Variants in MCTP2 observed in about 807,000 individuals in gnomAD.
MCTP2 encodes multiple C2 and transmembrane domain containing 2.
MCTP2 carries 132 observed loss-of-function variants against 111.6 expected under a neutral mutation model. The observed-to-expected ratio is 1.18, with a 90% confidence interval of 1.03 to 1.37. MCTP2 has a LOEUF of 1.37. Ranked by LOEUF, MCTP2 falls within the 40% of genes most tolerant of loss-of-function variation. The pLI is 0.00. For synonymous variants in MCTP2, 395 were observed against 387.7 expected (o/e 1.02, Z -0.22); for missense variants, 1,183 against 1,067.9 (o/e 1.11, Z -1.50).
chr15:94,427,242 A>T (rs570737681), intron 17 of MCTP2, among the ~76,000 whole-genome samples: 20 of 152,286 alleles, frequency 1.3e-4, no homozygotes, highest in Non-Finnish European at 2.9e-4. Flanking sequence ...ACTCTATGTT[A>T]GTACTTTGTA....
chr15:94,330,985 C>T lies in MCTP2; in HGVS notation c.638-8305C>T, dbSNP rs1423206190. On this transcript the variant is annotated intron_variant, in intron 4 of 22. Transcript: ENST00000357742. The stretch of plus-strand genomic sequence containing the variant: ...CTGAGCTCAAGCAATCCACCTGCCT[C>T]GGCCTCCCAAAGTGCTGGGATTACA... 6.6e-5 allele frequency among the ~76,000 whole-genome samples: 10 copies of T among 152,280 alleles called. No individual in the cohort carries two copies. The East Asian group carries it at 1.4e-3, about 21-fold the overall frequency.
Position 94,314,287 on chromosome 15 carries a change from A to G in MCTP2, c.471A>G (p.Leu157=), listed in dbSNP as rs1165691008. The change falls in exon 3 of 23, where the codon CTA becomes CTG. Residue 157 remains leucine, a synonymous_variant. Transcript: ENST00000357742. ...TTTTTTCTTTTTCTTTGCAGAAGCT[A>G]TGTGGAAGCAGTGACCTGAATGCTT... ...GGDAPEEPEK[L]CGSSDLNASM... The G allele has an allele frequency of 1.9e-6, 3 of 1,607,314 alleles. No homozygotes were observed. The highest frequency in any genetic ancestry group is 1.7e-5 in the Admixed American group (1 of 59,626).
At chr15:94,311,349 C>T (rs16948908) in intron 2 of MCTP2, among the ~76,000 whole-genome samples, 38,234 of 151,878 alleles carry the variant, frequency 0.25, 6,772 homozygotes, top group African/African-American at 0.49. Flanking sequence ...TTAAAAATCT[C>T]GTAATATTGG....
intron 17 of MCTP2, among the ~76,000 whole-genome samples, chr15:94,413,307 A>T (rs1054437179): frequency 2.0e-5 from 3 of 152,160 alleles, no homozygotes; most frequent in African/African-American, 7.2e-5. Context: ...CATGTTGTGT[A>T]CTTTTCTGTT....
At chr15:94,441,773 A>G (rs1596723065) in intron 18 of MCTP2, among the ~76,000 whole-genome samples, 1 of 152,214 alleles carries the variant, frequency 6.6e-6, no homozygotes, top group Non-Finnish European at 1.5e-5. Flanking sequence ...GTCCCAAGCT[A>G]AAGACTTCTC....
At chr15:94,317,195 A>G (rs532637407) in intron 4 of MCTP2, among the ~76,000 whole-genome samples, 5 of 152,244 alleles carry the variant, frequency 3.3e-5, no homozygotes, top group African/African-American at 1.2e-4. Context: ...AGTTTAATGT[A>G]TTGACTGTCT....
At chr15:94,354,622 G>A (rs2078511777) in intron 8 of MCTP2, among the ~76,000 whole-genome samples, 1 of 152,164 alleles carries the variant, frequency 6.6e-6, no homozygotes, top group Non-Finnish European at 1.5e-5. Flanking sequence ...TACCCGCCAG[G>A]CAGTTCTTTA....
chr15:94,386,692 A>G (rs748088021), intron 14 of MCTP2, among the ~76,000 whole-genome samples: 1 of 152,134 alleles, frequency 6.6e-6, no homozygotes, highest in Non-Finnish European at 1.5e-5. Context: ...AATACATGTA[A>G]CCAGAATGTG....
intron 1 of MCTP2, among the ~76,000 whole-genome samples, chr15:94,252,955 G>T (rs2072537888): frequency 6.6e-6 from 1 of 151,754 alleles, no homozygotes; most frequent in African/African-American, 2.4e-5. Context: ...TGCTTTTCTG[G>T]CTTCCCAGCT....
intron 19 of MCTP2, among the ~76,000 whole-genome samples, chr15:94,452,900 C>T (rs1395958972): frequency 1.3e-5 from 2 of 152,190 alleles, no homozygotes; most frequent in East Asian, 1.9e-4. Context: ...CCCTGTCTCA[C>T]ATGAGTAGCA....
intron 1 of MCTP2, among the ~76,000 whole-genome samples, chr15:94,279,138 T>G (rs1403987356): frequency 1.3e-5 from 2 of 152,212 alleles, no homozygotes; most frequent in African/African-American, 4.8e-5. Flanking sequence ...GAATAGTTTT[T>G]TTTCTAAATC....
At chr15:94,242,916 T>C (rs1178302923) in intron 1 of MCTP2, among the ~76,000 whole-genome samples, 4 of 147,058 alleles carry the variant, frequency 2.7e-5, no homozygotes, top group Non-Finnish European at 6.0e-5. Context: ...TATACACATA[T>C]ACACGTACAC....
chr15:94,322,610 C>T (rs1038010920), intron 4 of MCTP2, among the ~76,000 whole-genome samples: 1 of 152,172 alleles, frequency 6.6e-6, no homozygotes, highest in Non-Finnish European at 1.5e-5. Context: ...CCTAGAATAT[C>T]ATGGTCTGAT....
At chr15:94,305,410 G>A (rs770212364) in intron 2 of MCTP2, among the ~76,000 whole-genome samples, 39 of 152,100 alleles carry the variant, frequency 2.6e-4, no homozygotes, top group Non-Finnish European at 5.9e-5. Flanking sequence ...CAAGACTTGT[G>A]GCTAAAGAGG....
chr15:94,375,463 C>A (rs2079715996), intron 12 of MCTP2, among the ~76,000 whole-genome samples: 1 of 152,190 alleles, frequency 6.6e-6, no homozygotes, highest in Non-Finnish European at 1.5e-5. Flanking sequence ...AGGGACAAAA[C>A]TGGAAATATC....
At chr15:94,406,689 AC>A (rs1008725894) in intron 17 of MCTP2, among the ~76,000 whole-genome samples, 2 of 151,830 alleles carry the variant, frequency 1.3e-5, no homozygotes, top group Non-Finnish European at 2.9e-5. Context: ...AATTTGAAAA[AC>A]CCTAGAGCCT....
At chr15:94,406,861 T>TC (rs930269025) in intron 17 of MCTP2, among the ~76,000 whole-genome samples, 3 of 139,182 alleles carry the variant, frequency 2.2e-5, no homozygotes. Context: ...TTCAGTTGTT[T>TC]TTTTTTTTTT....
chr15:94,448,509 AT>A (rs2084258960), intron 19 of MCTP2, among the ~76,000 whole-genome samples: 1 of 152,206 alleles, frequency 6.6e-6, no homozygotes, highest in Non-Finnish European at 1.5e-5. Flanking sequence ...ATGCCCCAGA[AT>A]TTGAAACTTT....
At chr15:94,303,295 G>A (rs747326953) in intron 2 of MCTP2, among the ~76,000 whole-genome samples, 26 of 151,568 alleles carry the variant, frequency 1.7e-4, no homozygotes, top group Admixed American at 9.2e-4. Flanking sequence ...ATTTGGATTC[G>A]GATGTTTGAG....
Sources: allele counts gnomAD v4.1 joint callset (sites outside exome capture counted in the v4.1 genomes callset), GRCh38; gene constraint gnomAD v4.1.1; transcripts MANE v1.5; gene names NCBI Gene and HGNC (gene_info 2026-07-23, HGNC 2026-07-21).